Variants in GPC5 observed in about 807,000 individuals in gnomAD.
GPC5 encodes the protein glypican 5.
GPC5 carries 47 observed loss-of-function variants against 53.9 expected under a neutral mutation model. The observed-to-expected ratio is 0.87, with a 90% CI of 0.69 to 1.11. The LOEUF (loss-of-function observed/expected upper bound fraction) is 1.11, where lower values mean the gene tolerates loss of function less well. GPC5 is among the 50% of genes most tolerant of loss of function. The pLI, the probability that GPC5 is intolerant of heterozygous loss-of-function variation, is 0.00. For missense variants in GPC5, 748 were observed against 713.1 expected, an observed-to-expected ratio of 1.05 and a Z score of -0.56; for synonymous variants, 286 against 263.3, an observed-to-expected ratio of 1.09 and a Z score of -0.84.
chr13:92,855,268 G>A (rs1324798144), intron 7 of GPC5, among the ~76,000 whole-genome samples: 1 of 151,888 alleles, frequency 6.6e-6, no homozygotes, highest in African/African-American at 2.4e-5. Flanking sequence ...CTTTTCCTCA[G>A]TGGATTAGGA....
chr13:91,769,163 A>T (rs1162466671), intron 5 of GPC5, among the ~76,000 whole-genome samples: 1 of 152,206 alleles, frequency 6.6e-6, no homozygotes, highest in Non-Finnish European at 1.5e-5. Context: ...TTGAGTCCAA[A>T]GGTGGTCTGA....
chr13:91,534,536 CA>C (rs1886497992), intron 2 of GPC5, among the ~76,000 whole-genome samples: 1 of 152,144 alleles, frequency 6.6e-6, no homozygotes, highest in Non-Finnish European at 1.5e-5. Flanking sequence ...TGTTGAAAAT[CA>C]GTTTGCTAAA....
At chr13:92,573,124 T>A (rs1012290625) in intron 7 of GPC5, among the ~76,000 whole-genome samples, 1 of 152,194 alleles carries the variant, frequency 6.6e-6, no homozygotes, top group African/African-American at 2.4e-5. Context: ...ATCATGACAT[T>A]AATCCAGGTA....
chr13:91,688,367 A>G (rs955749909), intron 2 of GPC5, among the ~76,000 whole-genome samples: 1 of 152,182 alleles, frequency 6.6e-6, no homozygotes, highest in Admixed American at 6.6e-5. Flanking sequence ...CCAATAGTTT[A>G]CAGTTTTTTA....
intron 7 of GPC5, among the ~76,000 whole-genome samples, chr13:92,506,707 T>C (rs1319538654): frequency 6.6e-6 from 1 of 152,190 alleles, no homozygotes; most frequent in East Asian, 1.9e-4. Flanking sequence ...GAAGCTCTTC[T>C]ACTTTGTGTC....
chr13:91,729,938 A>G (rs752858173), intron 4 of GPC5, among the ~76,000 whole-genome samples: 8 of 152,222 alleles, frequency 5.3e-5, no homozygotes, highest in Non-Finnish European at 1.0e-4. Flanking sequence ...CTCAGGAACA[A>G]TAAGGGGCTC....
intron 7 of GPC5, among the ~76,000 whole-genome samples, chr13:92,158,044 C>T (rs1306547994): frequency 6.6e-6 from 1 of 152,152 alleles, no homozygotes; most frequent in Non-Finnish European, 1.5e-5. Flanking sequence ...TGGGGATTTT[C>T]TTAAGAATAT....
chr13:92,100,177 G>A (rs1034285557), intron 6 of GPC5, among the ~76,000 whole-genome samples: 1 of 152,154 alleles, frequency 6.6e-6, no homozygotes, highest in Non-Finnish European at 1.5e-5. Context: ...GGCCGAGGTG[G>A]GTGGATCACA....
chr13:92,860,234 A>T (rs1461747186), intron 7 of GPC5, among the ~76,000 whole-genome samples: 3 of 152,178 alleles, frequency 2.0e-5, no homozygotes, highest in African/African-American at 7.2e-5. Context: ...GATCAAAAAG[A>T]GAACTATATC....
At chr13:92,656,748 G>A (rs1886149588) in intron 7 of GPC5, among the ~76,000 whole-genome samples, 1 of 152,164 alleles carries the variant, frequency 6.6e-6, no homozygotes. Context: ...GAGGCCAGGA[G>A]TTCGAGACCA....
chr13:91,478,898 T>C (rs1392519463), intron 2 of GPC5, among the ~76,000 whole-genome samples: 1 of 98,504 alleles, frequency 1.0e-5, no homozygotes, highest in African/African-American at 5.4e-5. Flanking sequence ...TATATATATA[T>C]ATATGCACAT....
At chr13:92,138,646 G>C (rs1055657361) in intron 6 of GPC5, among the ~76,000 whole-genome samples, 2 of 152,168 alleles carry the variant, frequency 1.3e-5, no homozygotes, top group Non-Finnish European at 2.9e-5. Context: ...GAAACCCTTT[G>C]TTGTTATTAA....
intron 7 of GPC5, among the ~76,000 whole-genome samples, chr13:92,389,083 C>T (rs1423343203): frequency 1.3e-5 from 2 of 151,978 alleles, no homozygotes; most frequent in South Asian, 2.1e-4. Flanking sequence ...ACATAGTCGG[C>T]AAATAATGAC....
At chr13:92,329,973 A>G (rs2043277696) in intron 7 of GPC5, among the ~76,000 whole-genome samples, 1 of 151,898 alleles carries the variant, frequency 6.6e-6, no homozygotes. Context: ...GAAAGAAAAC[A>G]CATTATGACT....
rs146232128 is a variant in GPC5, at chr13:92,137,762, C to T, written c.1402-7068C>T. Among the ~76,000 whole-genome samples, 246 of 152,272 alleles carry T rather than the reference C, an allele frequency of 1.6e-3. 1 individual carries two copies. The highest frequency in any genetic ancestry group is 5.5e-3 in the African/African-American group (229 of 41,546). ...CACCTCGCCTCCCAAGAAGCTGAGA[C>T]GGCAGGCATGCCCTACCACTCCCAG... On this transcript the variant is annotated intron_variant, in intron 6 of 7. Coordinates refer to ENST00000377067, the MANE Select transcript of GPC5 (RefSeq NM_004466.6).
chr13:92,792,017 C>T (rs973619671), intron 7 of GPC5, among the ~76,000 whole-genome samples: 5 of 151,958 alleles, frequency 3.3e-5, no homozygotes, highest in Admixed American at 6.6e-5. Flanking sequence ...ATAGAAAGCT[C>T]TCACCTGGAA....
intron 2 of GPC5, among the ~76,000 whole-genome samples, chr13:91,522,247 C>T (rs956677879): frequency 2.0e-5 from 3 of 152,184 alleles, no homozygotes; most frequent in Non-Finnish European, 4.4e-5. Context: ...GGCTGCAAGT[C>T]TCAACTCTCT....
intron 4 of GPC5, among the ~76,000 whole-genome samples, chr13:91,730,646 G>C (rs189337): frequency 1.3e-5 from 2 of 151,990 alleles, no homozygotes; most frequent in Non-Finnish European, 2.9e-5. Context: ...TAAGTAAACA[G>C]GCTTAACTGG....
intron 3 of GPC5, among the ~76,000 whole-genome samples, chr13:91,696,004 G>T (rs990687112): frequency 6.6e-6 from 1 of 152,168 alleles, no homozygotes; most frequent in Non-Finnish European, 1.5e-5. Context: ...GGCTGGGTCA[G>T]CTTCTAAAAC....
Sources: gnomAD v4.1 joint callset for allele counts (sites outside exome capture counted in the v4.1 genomes callset) on GRCh38, gnomAD v4.1.1 for gene constraint, MANE v1.5 for transcripts, NCBI Gene and HGNC (gene_info 2026-07-23, HGNC 2026-07-21) for gene names.